DNAH17: variants seen among roughly 807,000 people sequenced by gnomAD.
DNAH17 encodes axonemal beta dynein heavy chain 17.
A neutral mutation model predicts 485.6 loss-of-function variants in DNAH17; 376 were observed. The observed-to-expected ratio is 0.77, with a 90% confidence interval of 0.71 to 0.84. DNAH17 has a LOEUF of 0.84. Among genes scored for constraint, DNAH17 ranks in the 40% least tolerant of loss-of-function variants. The pLI is 0.00. For synonymous variants in DNAH17, 3,031 were observed against 2,405.9 expected, an observed-to-expected ratio of 1.26 and a Z score of -7.60; for missense variants, 6,370 against 5,839.3, an observed-to-expected ratio of 1.09 and a Z score of -2.96.
chr17:78,549,832 CCT>C (rs1316758421), intron 16 of DNAH17, among the ~76,000 whole-genome samples: 2 of 152,160 alleles, frequency 1.3e-5, no homozygotes, highest in Non-Finnish European at 2.9e-5. Context: ...TGCAGCCAAC[CCT>C]CTGAGACCCT....
At chr17:78,425,284 C>A in intron 80 of DNAH17, 62 bp downstream of exon 80, 1 of 1,046,468 alleles carries the variant, frequency 9.6e-7, no homozygotes, top group Non-Finnish European at 1.3e-6. Context: ...CTAGTTTTAT[C>A]TTGTCTTGGC....
chr17:78,571,111 G>T (rs1404157312), intron 5 of DNAH17, 78 bp from the exon 6 acceptor site: 1 of 1,362,738 alleles, frequency 7.3e-7, no homozygotes, highest in Non-Finnish European at 1.0e-6. Flanking sequence ...GGCTCCATGT[G>T]CTGAGACCTG....
At position 78,529,489 on chromosome 17, in the gene DNAH17, T is replaced by C; in HGVS notation, c.3490A>G (p.Ile1164Val). 6.2e-7 allele frequency: 1 copy of C among 1,613,798 alleles called. No homozygotes were observed. The change falls in exon 22 of 81, where the codon ATC (isoleucine) becomes GTC (valine). Residue 1164 changes from isoleucine to valine, a missense_variant. Physicochemically the swap from Ile to Val is conservative, Grantham distance 29. Transcript: ENST00000389840. Reference sequence around the variant, plus strand: ...CCACGTACCTGCAGCTTCAAGTGGATCTCCTCTGGCATCTCCTCCCCGTAG... The same window carrying C: ...CCACGTACCTGCAGCTTCAAGTGGACCTCCTCTGGCATCTCCTCCCCGTAG... Reference protein sequence around the residue: ...KTYGEEMPEEIHLKLQELPEH... With the variant: ...KTYGEEMPEEVHLKLQELPEH...
intron 26 of DNAH17, among the ~76,000 whole-genome samples, chr17:78,514,503 C>CAA (rs79884057): frequency 0.054 from 6,014 of 111,796 alleles, 281 homozygotes; most frequent in African/African-American, 0.094. Context: ...GACTCCGTCT[C>CAA]AAAAAAAAAA....
At chr17:78,454,854 T>G in intron 63 of DNAH17, 149 bp from the exon 64 acceptor site, 1 of 662,646 alleles carries the variant, frequency 1.5e-6, no homozygotes, top group Non-Finnish European at 2.6e-6. Flanking sequence ...TCCATCACTC[T>G]GGACAGAGCA....
At chr17:78,499,136 G>A in intron 36 of DNAH17, 24 bp from the exon 37 acceptor site, 1 of 1,515,756 alleles carries the variant, frequency 6.6e-7, no homozygotes, top group Non-Finnish European at 8.9e-7. Context: ...GATGGAGAAA[G>A]GAAGAGCTGG....
intron 74 of DNAH17, among the ~76,000 whole-genome samples, chr17:78,436,793 C>T (rs1293357621): frequency 2.0e-5 from 3 of 151,978 alleles, no homozygotes; most frequent in East Asian, 1.9e-4. Context: ...TGCAGTGAGC[C>T]GAGATTACAC....
intron 9 of DNAH17, among the ~76,000 whole-genome samples, chr17:78,568,083 G>A (rs572657906): frequency 1.3e-5 from 2 of 152,274 alleles, no homozygotes; most frequent in South Asian, 2.1e-4. Flanking sequence ...TCTTCCACCC[G>A]ACGCGGAGGA....
rs544226369 is a variant in DNAH17 at position 78,426,579 on chromosome 17, C to T, written c.12793G>A (p.Asp4265Asn). ...GLKGELTITT[D>N]VEDLSTALFY... ...AGAGCCGTGGACAGATCTTCCACGT[C>T]GGTCGTGATGGTCAGTTCTCCCTAG... Residue 4265 changes from aspartate (D) to asparagine (N), a missense_variant, in exon 79 of 81, where the codon GAC (aspartate) becomes AAC (asparagine). Transcript: ENST00000389840. The T allele has an allele frequency of 4.3e-6, 7 of 1,611,072 alleles. No homozygotes were observed. The East Asian group carries it at 6.7e-5, about 15-fold the overall frequency.
At chr17:78,473,442 G>T (rs2088860933) in intron 54 of DNAH17, among the ~76,000 whole-genome samples, 2 of 151,616 alleles carry the variant, frequency 1.3e-5, no homozygotes, top group Admixed American at 1.3e-4. Flanking sequence ...TACTCAGGAG[G>T]CTGAGGCAGG....
intron 2 of DNAH17, 40 bp from the exon 3 acceptor site, chr17:78,572,934 T>C (rs2092381118): frequency 1.3e-6 from 2 of 1,582,504 alleles, no homozygotes; most frequent in African/African-American, 2.7e-5. Context: ...CCCTGTGCCT[T>C]CACCAGCTCG....
chr17:78,507,550 G>C lies in DNAH17; in HGVS notation c.4492C>G (p.His1498Asp). 1 of 1,614,052 alleles carries C rather than the reference G, an allele frequency of 6.2e-7. No homozygotes were observed. ...GAGCCGATGAAGATGCTCTCCAGGT[G>C]GCTCCAGGTTCGCTGGACCTCAAAC... ...IWFEVQRTWS[H>D]LESIFIGSED... is the part of the protein sequence containing the mutation. Residue 1498 changes from histidine (H) to aspartate (D), a missense_variant, in exon 28 of 81, where the codon CAC becomes GAC. By Grantham distance (81) the His-to-Asp change is moderately conservative. Coordinates refer to ENST00000389840, the MANE Select transcript of DNAH17 (RefSeq NM_173628.4).
chr17:78,478,617 C>A (rs1235374011), intron 51 of DNAH17, among the ~76,000 whole-genome samples: 5 of 122,846 alleles, frequency 4.1e-5, no homozygotes, highest in Admixed American at 1.5e-4. Flanking sequence ...ACCGTCATCA[C>A]CCCCATTATT....
intron 74 of DNAH17, among the ~76,000 whole-genome samples, chr17:78,435,785 A>G (rs567521436): frequency 6.6e-6 from 1 of 152,288 alleles, no homozygotes; most frequent in Non-Finnish European, 1.5e-5. Context: ...TGTGAGCTGC[A>G]TGGCCCCATA....
intron 11 of DNAH17, 50 bp downstream of exon 11, chr17:78,566,564 C>T: frequency 1.5e-6 from 2 of 1,323,886 alleles, no homozygotes; most frequent in Non-Finnish European, 2.1e-6. Context: ...ATGAATCCAC[C>T]ACCACAGTGC....
intron 48 of DNAH17, among the ~76,000 whole-genome samples, chr17:78,482,585 CCT>C (rs1258952553): frequency 2.6e-5 from 4 of 152,168 alleles, no homozygotes; most frequent in African/African-American, 9.7e-5. Flanking sequence ...CCTGCGCAGT[CCT>C]CTCCTGTGCA....
chr17:78,461,196 C>T (rs535238121), intron 58 of DNAH17, among the ~76,000 whole-genome samples: 3 of 152,124 alleles, frequency 2.0e-5, no homozygotes, highest in Non-Finnish European at 2.9e-5. Context: ...GCTCACGGAT[C>T]GCGGGCATTT....
At chr17:78,560,994 C>T in intron 12 of DNAH17, 59 bp from the exon 13 acceptor site, 1 of 1,480,814 alleles carries the variant, frequency 6.8e-7, no homozygotes, top group South Asian at 1.2e-5. Flanking sequence ...GTGTCTTCGG[C>T]ACGTCCCATC....
intron 25 of DNAH17, among the ~76,000 whole-genome samples, chr17:78,516,639 G>A (rs2090788891): frequency 6.8e-6 from 1 of 147,310 alleles, no homozygotes; most frequent in South Asian, 2.1e-4. Context: ...GCAGCGAGTG[G>A]ACATCACATC....
Sources: gnomAD v4.1 joint callset for allele counts (sites outside exome capture counted in the v4.1 genomes callset) on GRCh38, gnomAD v4.1.1 for gene constraint, MANE v1.5 for transcripts, NCBI Gene and HGNC (gene_info 2026-07-23, HGNC 2026-07-21) for gene names.